The following SCG5 variants were observed in gnomAD, a reference collection of about 807,000 sequenced individuals.
SCG5 encodes secretogranin V, also known as neuroendocrine protein 7B2.
Under a neutral mutation model 25.7 loss-of-function variants are expected in SCG5, and 18 were observed. The ratio of observed to expected loss-of-function variants is 0.70; its 90% CI spans 0.48 to 1.04. The LOEUF (loss-of-function observed/expected upper bound fraction) is 1.04. Among genes scored for constraint, SCG5 ranks in the 50% least tolerant of loss-of-function variants. The pLI, the probability that SCG5 is intolerant of heterozygous loss-of-function variation, is 0.00. For missense variants in SCG5, 206 were observed against 259.8 expected (o/e 0.79, Z 1.42); for synonymous variants, 101 against 91.7 (o/e 1.10, Z -0.58).
chr15:32,671,834 C>G (rs1008271609), intron 2 of SCG5, among the ~76,000 whole-genome samples: 1 of 152,158 alleles, frequency 6.6e-6, no homozygotes, highest in Non-Finnish European at 1.5e-5. Context: ...CCAGGCTGTT[C>G]TGTGGCCTCC....
At chr15:32,661,765 C>T (rs147061733) in intron 2 of SCG5, among the ~76,000 whole-genome samples, 2 of 152,214 alleles carry the variant, frequency 1.3e-5, no homozygotes, top group African/African-American at 4.8e-5. Flanking sequence ...TTGGGGGTAA[C>T]TTTAAGGATG....
intron 2 of SCG5, among the ~76,000 whole-genome samples, chr15:32,651,091 C>A (rs1360194011): frequency 6.6e-6 from 1 of 152,020 alleles, no homozygotes; most frequent in Non-Finnish European, 1.5e-5. Context: ...CCCAGCTACT[C>A]GGGAGGCTGA....
At chr15:32,678,040 A>T (rs553446337) in intron 2 of SCG5, among the ~76,000 whole-genome samples, 83 of 152,342 alleles carry the variant, frequency 5.4e-4, no homozygotes, top group African/African-American at 1.9e-3. Flanking sequence ...GGGATAATTG[A>T]TTAACTGTTT....
At chr15:32,651,186 G>A (rs963834143) in intron 2 of SCG5, among the ~76,000 whole-genome samples, 8 of 152,222 alleles carry the variant, frequency 5.3e-5, no homozygotes, top group African/African-American at 1.4e-4. Context: ...CAACAAGAGC[G>A]AAACTCTGTC....
intron 2 of SCG5, among the ~76,000 whole-genome samples, chr15:32,677,982 A>C (rs149761390): frequency 6.6e-6 from 1 of 152,342 alleles, no homozygotes; most frequent in East Asian, 1.9e-4. Context: ...TATTTGGTAG[A>C]GACATGAAAC....
In SCG5 at chr15:32,686,400, C is replaced by A. The variant is rs145534200; in HGVS notation, c.489+1731C>A. 2.6e-5 allele frequency among the ~76,000 whole-genome samples: 4 copies of A among 151,896 alleles called. No homozygotes were observed. The East Asian group carries it at 7.7e-4, about 29-fold the overall frequency. Reference sequence around the variant, plus strand: ...TTTCAGTTATGATGACTGTGAACACCGTGAAGAAGGGTGAGAATCCAAGAC... The same window carrying A: ...TTTCAGTTATGATGACTGTGAACACAGTGAAGAAGGGTGAGAATCCAAGAC... On this transcript the variant is annotated intron_variant, in intron 4 of 5. Coordinates refer to ENST00000300175, the MANE Select transcript of SCG5 (RefSeq NM_001144757.3).
intron 2 of SCG5, among the ~76,000 whole-genome samples, chr15:32,659,280 T>C: frequency 6.6e-6 from 1 of 152,208 alleles, no homozygotes; most frequent in East Asian, 1.9e-4. Context: ...ATCTGTGAAA[T>C]GGATCTTTCC....
chr15:32,643,867 A>G (rs766349413), intron 2 of SCG5, 49 bp downstream of exon 2: 11 of 1,511,018 alleles, frequency 7.3e-6, no homozygotes, highest in Non-Finnish European at 9.1e-6. Flanking sequence ...CATTTTAAAT[A>G]ATATATTTGC....
chr15:32,658,002 C>T (rs1477515560), intron 2 of SCG5, among the ~76,000 whole-genome samples: 1 of 152,156 alleles, frequency 6.6e-6, no homozygotes, highest in South Asian at 2.1e-4. Flanking sequence ...CACTCCCTTA[C>T]AGCATGTTCC....
chr15:32,664,466 A>G (rs1160380942), intron 2 of SCG5, among the ~76,000 whole-genome samples: 1 of 140,436 alleles, frequency 7.1e-6, no homozygotes. Flanking sequence ...AAATAATGAC[A>G]GGTGAAAAAT....
At chr15:32,679,967 A>G (rs1235183061) in intron 3 of SCG5, 52 bp downstream of exon 3, 2 of 1,500,532 alleles carry the variant, frequency 1.3e-6, no homozygotes, top group African/African-American at 2.8e-5. Flanking sequence ...TTGGAAGGAA[A>G]TCAGAAATTC....
intron 4 of SCG5, among the ~76,000 whole-genome samples, chr15:32,689,034 G>A (rs547833310): frequency 2.0e-5 from 3 of 151,214 alleles, no homozygotes; most frequent in East Asian, 1.9e-4. Context: ...TCTGCTCCTC[G>A]TTCAACTTTT....
chr15:32,645,750 G>C (rs1255411272), intron 2 of SCG5, among the ~76,000 whole-genome samples: 3 of 152,168 alleles, frequency 2.0e-5, no homozygotes, highest in African/African-American at 7.2e-5. Context: ...AAAGATCATG[G>C]ATTAGGACAA....
intron 5 of SCG5, 191 bp downstream of exon 5, chr15:32,691,954 G>C: frequency 7.0e-7 from 1 of 1,437,002 alleles, no homozygotes; most frequent in Non-Finnish European, 9.1e-7. Flanking sequence ...GCTTCCCCAG[G>C]CTTTAGCAGA....
At chr15:32,681,742 A>G (rs748137373) in intron 3 of SCG5, among the ~76,000 whole-genome samples, 20 of 151,956 alleles carry the variant, frequency 1.3e-4, no homozygotes, top group Non-Finnish European at 1.8e-4. Flanking sequence ...GAGCTACCAC[A>G]CCGAGACTTT....
chr15:32,648,185 T>A (rs544134998), intron 2 of SCG5, among the ~76,000 whole-genome samples: 24 of 152,166 alleles, frequency 1.6e-4, no homozygotes, highest in Non-Finnish European at 2.9e-4. Flanking sequence ...CAGTAACCCT[T>A]GATTTTCTCC....
intron 4 of SCG5, among the ~76,000 whole-genome samples, chr15:32,688,969 A>AAG (rs2054787509): frequency 1.3e-5 from 2 of 148,286 alleles, no homozygotes; most frequent in African/African-American, 2.5e-5. Flanking sequence ...AAAAAAAAAA[A>AAG]AAAAAGAAAT....
rs529878476 is a variant in SCG5, at chr15:32,679,821, C to T, written c.282C>T (p.Ile94=). The part of the protein sequence containing the change: ...HLGPFGNIPN[I]VAELTGDNIP... ...GTCCTTTTGGCAACATCCCCAACAT[C>T]GTGGCAGAGTTGACTGGAGACAACA... The change falls in exon 3 of 6, where the codon ATC becomes ATT. Residue 94 remains isoleucine, a synonymous_variant. Transcript: ENST00000300175. 11 of 1,613,908 alleles carry T rather than the reference C, an allele frequency of 6.8e-6. No homozygotes were observed. The highest frequency in any genetic ancestry group is 2.2e-5 in the East Asian group (1 of 44,888).
intron 2 of SCG5, 103 bp from the exon 3 acceptor site, chr15:32,679,663 A>C (rs1272037891): frequency 1.3e-5 from 17 of 1,275,418 alleles, no homozygotes; most frequent in Admixed American, 3.8e-5. Flanking sequence ...TTCTCTCCCC[A>C]CAGCAGAAGG....
Sources: allele counts gnomAD v4.1 joint callset (sites outside exome capture counted in the v4.1 genomes callset), GRCh38; gene constraint gnomAD v4.1.1; transcripts MANE v1.5; gene names NCBI Gene and HGNC (gene_info 2026-07-23, HGNC 2026-07-21).